The following ANKRD11 variants were observed in gnomAD, a reference collection of about 807,000 sequenced individuals.
ANKRD11 encodes the protein ankyrin repeat domain-containing protein 11.
In ANKRD11, 17 loss-of-function variants were observed where a neutral mutation model predicts 195.7. That is an observed-to-expected ratio of 0.09 (90% CI 0.06 to 0.13). ANKRD11 has a LOEUF of 0.13. Among genes scored for constraint, ANKRD11 ranks in the 10% least tolerant of loss-of-function variants. The pLI, the probability that ANKRD11 is intolerant of heterozygous loss-of-function variation, is 1.00. For missense variants in ANKRD11, 3,735 were observed against 3,566.1 expected, an observed-to-expected ratio of 1.05 and a Z score of -1.21; for synonymous variants, 1,953 against 1,528.1, an observed-to-expected ratio of 1.28 and a Z score of -6.49.
chr16:89,281,049 G>A lies in ANKRD11; in HGVS notation c.5493C>T (p.Asp1831=). 6.2e-7 allele frequency: 1 copy of A among 1,604,392 alleles called. No homozygotes were observed. The highest frequency in any genetic ancestry group is 8.5e-7 in the Non-Finnish European group (1 of 1,173,290). ...YDSPMPPSME[D]RAPLPPVPAE... is the part of the protein sequence containing the mutation. ...CGGGAACCGGGGGCAGGGGCGCCCTGTCTTCCATCGAGGGTGGCATGGGAG... is the reference window on the plus strand; with the variant it reads ...CGGGAACCGGGGGCAGGGGCGCCCTATCTTCCATCGAGGGTGGCATGGGAG... The change falls in exon 9 of 13, where the codon GAC becomes GAT. Residue 1831 remains aspartate (D), a synonymous_variant. Transcript: ENST00000301030. This position sits in a 1 kb window ranked among gnomAD's most constrained non-coding sequence, Gnocchi z 5.5.
At chr16:89,356,225 G>A (rs1025997057) in intron 2 of ANKRD11, among the ~76,000 whole-genome samples, 2 of 151,824 alleles carry the variant, frequency 1.3e-5, no homozygotes, top group South Asian at 2.1e-4. Context: ...GAACTATTGT[G>A]GGTTTTTAAA....
chr16:89,396,365 C>T (rs559975551), intron 2 of ANKRD11, among the ~76,000 whole-genome samples: 1 of 152,152 alleles, frequency 6.6e-6, no homozygotes, highest in African/African-American at 2.4e-5. Flanking sequence ...CACACACACG[C>T]GACGGAGCCG....
chr16:89,481,022 A>G (rs1212889110), intron 1 of ANKRD11, among the ~76,000 whole-genome samples: 2 of 151,938 alleles, frequency 1.3e-5, no homozygotes, highest in African/African-American at 2.4e-5. Context: ...AATAAACAGC[A>G]CCCAGCTTCT....
At chr16:89,376,528 G>A (rs2040430528) in intron 2 of ANKRD11, among the ~76,000 whole-genome samples, 1 of 152,154 alleles carries the variant, frequency 6.6e-6, no homozygotes, top group Admixed American at 6.5e-5. Flanking sequence ...ACTTCCACCT[G>A]CTGGGTTCAA....
chr16:89,330,607 C>T (rs2037999561), intron 2 of ANKRD11, among the ~76,000 whole-genome samples: 1 of 128,418 alleles, frequency 7.8e-6, no homozygotes, highest in South Asian at 2.5e-4. Context: ...AAGCAAGGGG[C>T]TGCGTGAGGG....
At chr16:89,360,082 G>A (rs988094694) in intron 2 of ANKRD11, among the ~76,000 whole-genome samples, 6 of 151,876 alleles carry the variant, frequency 4.0e-5, no homozygotes, top group African/African-American at 1.5e-4. Flanking sequence ...GTAGACCCCC[G>A]TGTCTGGTGT....
intron 1 of ANKRD11, among the ~76,000 whole-genome samples, chr16:89,457,795 C>A (rs879020067): frequency 6.6e-6 from 1 of 152,010 alleles, no homozygotes; most frequent in Non-Finnish European, 1.5e-5. Flanking sequence ...CCTACTGTAC[C>A]TTCTAAAATG....
chr16:89,442,821 G>A (rs1194257704), intron 1 of ANKRD11, among the ~76,000 whole-genome samples: 2 of 152,114 alleles, frequency 1.3e-5, no homozygotes, highest in African/African-American at 4.8e-5. Flanking sequence ...ACGGCCTGGT[G>A]AGCCTCCGGC....
At chr16:89,420,018 T>G (rs889715654) in intron 1 of ANKRD11, 1 of 152,094 alleles carries the variant, frequency 6.6e-6, no homozygotes, top group Non-Finnish European at 1.5e-5. Flanking sequence ...TACAAAAAAT[T>G]CAAAAAATTA....
Position 89,281,283 on chromosome 16 carries a change from G to A in ANKRD11, c.5259C>T (p.Thr1753=), listed in dbSNP as rs1264926805. The A allele has an allele frequency of 1.2e-6, 2 of 1,614,250 alleles. No individual in the cohort carries two copies. Among genetic ancestry groups the A allele is most frequent in the South Asian group, 1.1e-5 (1 of 91,088 alleles). ...QHSTPVPTAP[T]SACSPSFFDR... is the part of the protein sequence containing the mutation. ...CGAAAAAGGAGGGGGAGCAGGCGCT[G>A]GTGGGAGCGGTGGGCACGGGCGTGG... The change falls in exon 9 of 13, where the codon ACC becomes ACT. Residue 1753 remains threonine (T), a synonymous_variant. Transcript: ENST00000301030. This position sits in a 1 kb window ranked among gnomAD's most constrained non-coding sequence, Gnocchi z 5.5.
chr16:89,375,585 G>A (rs767887423), intron 2 of ANKRD11, among the ~76,000 whole-genome samples: 29 of 151,696 alleles, frequency 1.9e-4, no homozygotes, highest in African/African-American at 2.4e-4. Flanking sequence ...TCAGCCTCCC[G>A]AGTGATTACA....
intron 2 of ANKRD11, among the ~76,000 whole-genome samples, chr16:89,354,295 A>T (rs1461188557): frequency 6.6e-6 from 1 of 151,438 alleles, no homozygotes. Flanking sequence ...ATCTCACCCT[A>T]GAATTTGAAA....
rs1224586580 is a variant in ANKRD11 at position 89,283,655 on chromosome 16, C to A, written c.2887G>T (p.Asp963Tyr). The A allele has an allele frequency of 6.2e-7, 1 of 1,611,608 alleles. No individual in the cohort carries two copies. The highest frequency in any genetic ancestry group is 1.3e-5 in the African/African-American group (1 of 74,936). ...GCCTCCTCGGGCTTGGCCCTGCCGT[C>A]CCTGCGCTCCTTGCAGCTCTCCAGG... ...DALESCKERR[D>Y]GRAKPEEAHR... The change falls in exon 9 of 13, where the codon GAC (aspartate) becomes TAC (tyrosine). Residue 963 changes from aspartate (D) to tyrosine (Y), a missense_variant. Asp to Tyr is a radical substitution (Grantham distance 160). Coordinates refer to ENST00000301030, the MANE Select transcript of ANKRD11 (RefSeq NM_013275.6). This position sits in a 1 kb window ranked among gnomAD's most constrained non-coding sequence, Gnocchi z 4.3.
intron 1 of ANKRD11, among the ~76,000 whole-genome samples, chr16:89,480,741 A>T (rs914328146): frequency 1.3e-5 from 2 of 152,126 alleles, no homozygotes; most frequent in African/African-American, 4.8e-5. Flanking sequence ...CTGTCCTGAC[A>T]AAATATCTGA....
chr16:89,275,285 C>T, intron 9 of ANKRD11, 94 bp from the exon 10 acceptor site: 2 of 1,098,774 alleles, frequency 1.8e-6, no homozygotes, highest in East Asian at 2.6e-5. Flanking sequence ...GACTCAGCCT[C>T]CCCACTCCTA....
In ANKRD11 at chr16:89,285,848, T is replaced by C. The variant is rs1486265756; in HGVS notation, c.892+191A>G. On this transcript the variant is annotated intron_variant, in intron 8 of 12. Transcript: ENST00000301030. This position sits in a 1 kb window ranked among gnomAD's most constrained non-coding sequence, Gnocchi z 5.6. ...GCTCAGCTGACAGACAGGGCTGGCA[T>C]CTTAGAATGAAGACTGCAGGCTTCT... Among the ~76,000 whole-genome samples the C allele has an allele frequency of 6.6e-6, 1 of 152,182 alleles. No individual in the cohort carries two copies. Among genetic ancestry groups the C allele is most frequent in the Admixed American group, 6.5e-5 (1 of 15,286 alleles).
In ANKRD11 at chr16:89,288,651, C is replaced by T; in HGVS notation, c.621G>A (p.Glu207=). ...KDFAGWTALH[E]ACNRGYYDVA... is the part of the protein sequence containing the mutation. ...CGTCGTAGTAGCCCCGGTTACAGGCCTCGTGCAGCGCCGTCCAGCCTGGAA... is the reference window on the plus strand; with the variant it reads ...CGTCGTAGTAGCCCCGGTTACAGGCTTCGTGCAGCGCCGTCCAGCCTGGAA... The change falls in exon 7 of 13, where the codon GAG becomes GAA. Residue 207 remains glutamate, a synonymous_variant. Transcript: ENST00000301030. 6.2e-7 allele frequency: 1 copy of T among 1,614,116 alleles called. No individual in the cohort carries two copies. Among genetic ancestry groups the T allele is most frequent in the Non-Finnish European group, 8.5e-7 (1 of 1,180,046 alleles).
chr16:89,456,903 A>G (rs1016789015), intron 1 of ANKRD11, among the ~76,000 whole-genome samples: 1 of 151,888 alleles, frequency 6.6e-6, no homozygotes, highest in Non-Finnish European at 1.5e-5. Context: ...GCTACAGGCC[A>G]TGGAATTGTA....
intron 1 of ANKRD11, among the ~76,000 whole-genome samples, chr16:89,462,590 C>A (rs1183912863): frequency 6.6e-6 from 1 of 151,822 alleles, no homozygotes; most frequent in Admixed American, 6.6e-5. Context: ...TGAGGAGCGT[C>A]TCCGCCCAGC....
Sources: allele counts gnomAD v4.1 joint callset (sites outside exome capture counted in the v4.1 genomes callset), GRCh38; gene constraint gnomAD v4.1.1; non-coding constraint Gnocchi (gnomAD v3.1); transcripts MANE v1.5; gene names NCBI Gene and HGNC (gene_info 2026-07-23, HGNC 2026-07-21).